Variants in MAGI2 observed in about 807,000 individuals in gnomAD.
The protein encoded by MAGI2 is membrane associated guanylate kinase, WW and PDZ domain containing 2.
Under a neutral mutation model 133.3 loss-of-function variants are expected in MAGI2, and 35 were observed. The ratio of observed to expected loss-of-function variants is 0.26; its 90% CI spans 0.20 to 0.35. The LOEUF (loss-of-function observed/expected upper bound fraction) is 0.35. MAGI2 is among the 10% of genes least tolerant of loss of function. The pLI is 1.00. For missense variants in MAGI2, 1,636 were observed against 1,863.4 expected (o/e 0.88, Z 2.25); for synonymous variants, 729 against 710.6 (o/e 1.03, Z -0.41).
chr7:79,273,600 TTTTG>T (rs1293892446), intron 1 of MAGI2, among the ~76,000 whole-genome samples: 1 of 152,062 alleles, frequency 6.6e-6, no homozygotes, highest in Non-Finnish European at 1.5e-5. Flanking sequence ...GTTTCCAGAA[TTTTG>T]TTTCTTTTTT....
chr7:78,210,525 G>A (rs1284157439), intron 10 of MAGI2, among the ~76,000 whole-genome samples: 1 of 152,134 alleles, frequency 6.6e-6, no homozygotes, highest in Non-Finnish European at 1.5e-5. Context: ...AAAATAAGTC[G>A]GAGGTGCCTT....
chr7:78,094,829 A>T (rs1162836261), intron 20 of MAGI2, among the ~76,000 whole-genome samples: 2 of 152,208 alleles, frequency 1.3e-5, no homozygotes, highest in Non-Finnish European at 2.9e-5. Context: ...TAGCACAATT[A>T]GCATTGCAAT....
At chr7:78,513,222 A>T (rs61051787) in intron 4 of MAGI2, among the ~76,000 whole-genome samples, 2 of 152,148 alleles carry the variant, frequency 1.3e-5, no homozygotes, top group Non-Finnish European at 2.9e-5. Context: ...AATTAGGAAG[A>T]CTTTAAATTT....
rs1219819774 is a variant in MAGI2 at position 78,209,138 on chromosome 7, C to T, written c.2048-7945G>A. 1.5e-4 allele frequency among the ~76,000 whole-genome samples: 12 copies of T among 79,122 alleles called. No homozygotes were observed. The Middle Eastern group carries it at 0.043, about 287-fold the overall frequency. The allele number at this position is 79,122 out of a possible 152,430, so 51.9% of individuals were successfully genotyped here. ...TTGGGAGGCTGAGGCAGGAGAATGGCGTGAACCCGGGAGGCGGAGCTTGCA... is the reference window on the plus strand; with the variant it reads ...TTGGGAGGCTGAGGCAGGAGAATGGTGTGAACCCGGGAGGCGGAGCTTGCA... On this transcript the variant is annotated intron_variant, in intron 10 of 21. Transcript: ENST00000354212.
intron 2 of MAGI2, among the ~76,000 whole-genome samples, chr7:78,958,722 G>C (rs777828900): frequency 3.3e-5 from 5 of 152,080 alleles, no homozygotes; most frequent in Admixed American, 2.6e-4. Flanking sequence ...GGGTGAAGCC[G>C]TTCTACCTGG....
At chr7:78,883,256 A>G (rs182577955) in intron 2 of MAGI2, among the ~76,000 whole-genome samples, 3 of 152,200 alleles carry the variant, frequency 2.0e-5, no homozygotes, top group Admixed American at 6.5e-5. Flanking sequence ...TGTAATAGAC[A>G]CACACACAAA....
At chr7:79,030,089 C>T (rs1026941609) in intron 1 of MAGI2, among the ~76,000 whole-genome samples, 2 of 152,150 alleles carry the variant, frequency 1.3e-5, no homozygotes, top group Non-Finnish European at 2.9e-5. Context: ...GGCCCAAGAC[C>T]TTGAACTCCT....
At chr7:79,189,612 C>T (rs932368573) in intron 1 of MAGI2, among the ~76,000 whole-genome samples, 1 of 151,570 alleles carries the variant, frequency 6.6e-6, no homozygotes, top group Non-Finnish European at 1.5e-5. Flanking sequence ...ATTGATGAAC[C>T]AATATTGATA....
At chr7:78,328,530 C>CACACACACACACACACACACACA (rs10525463) in intron 9 of MAGI2, among the ~76,000 whole-genome samples, 8,494 of 123,436 alleles carry the variant, frequency 0.069, 441 homozygotes, top group Non-Finnish European at 0.083. Context: ...CACACACACA[C>CACACACACACACACACACACACA]CCCTCTCTCT....
At chr7:78,074,247 T>C (rs1250490289) in intron 21 of MAGI2, among the ~76,000 whole-genome samples, 1 of 152,212 alleles carries the variant, frequency 6.6e-6, no homozygotes, top group Non-Finnish European at 1.5e-5. Context: ...CTTGGAGTCA[T>C]GCTGATTTTG....
At position 79,360,403 on chromosome 7, in the gene MAGI2, T is replaced by A. The variant is rs948565562; in HGVS notation, c.301+92617A>T. 8.7e-5 allele frequency among the ~76,000 whole-genome samples: 13 copies of A among 149,362 alleles called. No individual in the cohort carries two copies. In the South Asian group the frequency reaches 1.1e-3, roughly 12 times the overall value. ...GTAGTTTCTTCAAATAGAAAGGAAATAATAAATGAAAGAAAACTAGAACAT... is the reference window on the plus strand; with the variant it reads ...GTAGTTTCTTCAAATAGAAAGGAAAAAATAAATGAAAGAAAACTAGAACAT... On this transcript the variant is annotated intron_variant, in intron 1 of 21. Transcript: ENST00000354212.
chr7:78,387,658 G>A (rs546631530), intron 6 of MAGI2, among the ~76,000 whole-genome samples: 3 of 152,306 alleles, frequency 2.0e-5, no homozygotes, highest in Admixed American at 2.0e-4. Flanking sequence ...CGGATGTAGT[G>A]TCTCACACCT....
chr7:78,524,769 C>CAGTA, intron 3 of MAGI2, among the ~76,000 whole-genome samples: 1 of 151,764 alleles, frequency 6.6e-6, no homozygotes, highest in South Asian at 2.1e-4. Context: ...GCACAGCTTT[C>CAGTA]AGTAAGTATG....
chr7:78,836,117 G>T (rs1215532275), intron 2 of MAGI2, among the ~76,000 whole-genome samples: 1 of 152,148 alleles, frequency 6.6e-6, no homozygotes, highest in Non-Finnish European at 1.5e-5. Flanking sequence ...TAATAGATGT[G>T]TTGGTAACTA....
intron 16 of MAGI2, among the ~76,000 whole-genome samples, chr7:78,153,831 T>A (rs969865482): frequency 1.2e-4 from 18 of 152,202 alleles, no homozygotes; most frequent in African/African-American, 3.4e-4. Context: ...ATATTTTAAA[T>A]GACAAAAGGA....
intron 2 of MAGI2, among the ~76,000 whole-genome samples, chr7:78,886,473 C>T (rs1420936283): frequency 6.6e-6 from 1 of 152,176 alleles, no homozygotes; most frequent in African/African-American, 2.4e-5. Context: ...CAAGTCATGA[C>T]TTACTTTGAG....
At chr7:78,210,973 C>T (rs1177251220) in intron 10 of MAGI2, among the ~76,000 whole-genome samples, 5 of 152,132 alleles carry the variant, frequency 3.3e-5, no homozygotes, top group African/African-American at 1.2e-4. Context: ...GAAGCAGTGT[C>T]ATAGTGGCTA....
At chr7:79,134,478 G>A (rs1459164691) in intron 1 of MAGI2, among the ~76,000 whole-genome samples, 1 of 152,092 alleles carries the variant, frequency 6.6e-6, no homozygotes, top group Non-Finnish European at 1.5e-5. Flanking sequence ...AGTTTCAGGA[G>A]GTTGGTATAA....
intron 14 of MAGI2, among the ~76,000 whole-genome samples, chr7:78,173,228 T>C (rs1563214930): frequency 6.6e-6 from 1 of 152,216 alleles, no homozygotes; most frequent in Non-Finnish European, 1.5e-5. Flanking sequence ...AAAGATGTCC[T>C]GAGGCTGGGT....
Sources: gnomAD v4.1 joint callset for allele counts (sites outside exome capture counted in the v4.1 genomes callset) on GRCh38, gnomAD v4.1.1 for gene constraint, MANE v1.5 for transcripts, NCBI Gene and HGNC (gene_info 2026-07-23, HGNC 2026-07-21) for gene names.